The following OTULIN variants were observed in gnomAD, a reference collection of about 807,000 sequenced individuals.
The protein encoded by OTULIN is OTU deubiquitinase with linear linkage specificity, also known as ubiquitin thioesterase otulin.
A neutral mutation model predicts 39.6 loss-of-function variants in OTULIN; 15 were observed. That is an observed-to-expected ratio of 0.38 (90% confidence interval 0.25 to 0.58). OTULIN has a LOEUF of 0.58. Among genes scored for constraint, OTULIN ranks in the 20% least tolerant of loss-of-function variants. The pLI is 0.66. For missense variants in OTULIN, 319 were observed against 445.9 expected (o/e 0.72, Z 2.56); for synonymous variants, 156 against 170.3 (o/e 0.92, Z 0.65).
chr5:14,711,731 C>G, the OTULIN span, among the ~76,000 whole-genome samples: 12 of 152,254 alleles, frequency 7.9e-5, no homozygotes, highest in African/African-American at 2.9e-4. Flanking sequence ...TCAGTCACCT[C>G]TGGGACAGCT....
intron 4 of OTULIN, among the ~76,000 whole-genome samples, chr5:14,686,978 T>C (rs2126326037): frequency 6.6e-6 from 1 of 152,380 alleles, no homozygotes; most frequent in South Asian, 2.1e-4. Flanking sequence ...ATCATTTCTC[T>C]GAATGTTAAA....
intron 2 of OTULIN, among the ~76,000 whole-genome samples, chr5:14,674,340 A>C (rs1389160930): frequency 6.6e-6 from 1 of 152,258 alleles, no homozygotes; most frequent in Non-Finnish European, 1.5e-5. Context: ...GGCCTCATGC[A>C]GGAGCTGCAT....
chr5:14,667,102 T>G (rs978983621), intron 1 of OTULIN, among the ~76,000 whole-genome samples: 11 of 151,972 alleles, frequency 7.2e-5, no homozygotes, highest in African/African-American at 2.2e-4. Flanking sequence ...GTGTGAACAC[T>G]GTAAGACTGT....
intron 1 of OTULIN, among the ~76,000 whole-genome samples, chr5:14,670,523 A>C (rs1735953861): frequency 6.6e-6 from 1 of 152,212 alleles, no homozygotes. Flanking sequence ...TGCCTGCGAA[A>C]TGTCCTCCTT....
the OTULIN span, chr5:14,705,985 C>T: frequency 6.6e-6 from 1 of 152,122 alleles, no homozygotes; most frequent in Non-Finnish European, 1.5e-5. Flanking sequence ...AACATTGCCT[C>T]TAAATCTTAT....
intron 1 of OTULIN, among the ~76,000 whole-genome samples, chr5:14,670,714 C>T (rs972660588): frequency 6.6e-6 from 1 of 152,116 alleles, no homozygotes; most frequent in South Asian, 2.1e-4. Context: ...AAGTGATCCT[C>T]TCTCCTCAGC....
In OTULIN at chr5:14,681,559, C is replaced by A. The variant is rs748478710; in HGVS notation, c.420C>A (p.Ser140Arg). The A allele has an allele frequency of 2.1e-5, 34 of 1,614,026 alleles. No homozygotes were observed. Among genetic ancestry groups the A allele is most frequent in the Non-Finnish European group, 2.7e-5 (32 of 1,180,048 alleles). The change falls in exon 4 of 7, where the codon AGC becomes AGA. Residue 140 changes from serine to arginine, a missense_variant. Around this residue, in one of 4 missense-constraint regions of OTULIN, gnomAD observed 27 missense variants for 58.8 expected, o/e 0.46. Transcript: ENST00000284274. Reference protein sequence around the residue: ...ALRATLFQAMSQAVGLPPWLQ... With the variant: ...ALRATLFQAMRQAVGLPPWLQ... ...GGGCCACGCTGTTCCAGGCCATGAG[C>A]CAGGCTGTGGGGCTGCCGCCCTGGC...
chr5:14,669,334 C>T (rs1735926709), intron 1 of OTULIN, among the ~76,000 whole-genome samples: 2 of 151,974 alleles, frequency 1.3e-5, no homozygotes, highest in African/African-American at 4.8e-5. Flanking sequence ...CGTTGCACTC[C>T]AGCCTATGCA....
chr5:14,669,837 C>G (rs1735938602), intron 1 of OTULIN, among the ~76,000 whole-genome samples: 1 of 152,144 alleles, frequency 6.6e-6, no homozygotes, highest in African/African-American at 2.4e-5. Context: ...TTATGGGGCA[C>G]ATAGTGATGT....
At chr5:14,709,013 C>T in the OTULIN span, 1 of 152,156 alleles carries the variant, frequency 6.6e-6, no homozygotes. Flanking sequence ...CCTGCCTCAG[C>T]CTCCTGAGTA....
intron 4 of OTULIN, 72 bp from the exon 5 acceptor site, chr5:14,687,449 A>T (rs1736414253): frequency 7.2e-6 from 11 of 1,529,008 alleles, no homozygotes; most frequent in Non-Finnish European, 6.2e-6. Context: ...GTGGTTTCTT[A>T]CAGCTTGGAT....
intron 2 of OTULIN, 122 bp downstream of exon 2, chr5:14,673,840 A>G (rs1736035488): frequency 1.4e-6 from 1 of 734,044 alleles, no homozygotes; most frequent in Admixed American, 3.2e-5. Flanking sequence ...GGTCTTATCT[A>G]CATTGATTGT....
intron 5 of OTULIN, among the ~76,000 whole-genome samples, chr5:14,688,161 C>A (rs149940176): frequency 3.9e-5 from 6 of 152,054 alleles, no homozygotes; most frequent in Non-Finnish European, 8.8e-5. Flanking sequence ...CTTCTGATTC[C>A]TATTGATTTG....
chr5:14,695,277 T>A lies in OTULIN; in HGVS notation c.*2229T>A, dbSNP rs894589140. The A allele has an allele frequency of 3.3e-5, 5 of 152,204 alleles. No individual in the cohort carries two copies. Among genetic ancestry groups the A allele is most frequent in the East Asian group, 1.9e-4 (1 of 5,204 alleles). The allele number at this position is 152,204 out of a possible 1,614,324, so 9.4% of individuals were successfully genotyped here. On this transcript the variant is annotated 3_prime_UTR_variant, in exon 7 of 7. Transcript: ENST00000284274. ...ACCAACTTTAAAAATAATTTTTTTT[T>A]AATTGCAATATGCAGCTTCAGTTGC...
intron 4 of OTULIN, among the ~76,000 whole-genome samples, chr5:14,682,255 G>A (rs996019159): frequency 7.2e-5 from 11 of 152,156 alleles, no homozygotes; most frequent in African/African-American, 2.7e-4. Flanking sequence ...AGGAATGATT[G>A]GTCAGAGACA....
intron 1 of OTULIN, 52 bp from the exon 2 acceptor site, chr5:14,673,590 A>G (rs934627877): frequency 1.7e-5 from 27 of 1,553,172 alleles, no homozygotes; most frequent in African/African-American, 5.4e-5. Flanking sequence ...AATAGGACGG[A>G]AAATGTCAGT....
chr5:14,691,554 C>A (rs1189862992), intron 6 of OTULIN, among the ~76,000 whole-genome samples: 2 of 150,614 alleles, frequency 1.3e-5, no homozygotes, highest in Non-Finnish European at 2.9e-5. Flanking sequence ...TAAAGTTAGT[C>A]TTTTCCGAGA....
At chr5:14,681,430 C>G in intron 3 of OTULIN, 34 bp from the exon 4 acceptor site, 1 of 1,574,152 alleles carries the variant, frequency 6.4e-7, no homozygotes, top group Non-Finnish European at 8.6e-7. Context: ...AAGTCAGTAA[C>G]GACCATTTTG....
chr5:14,712,750 G>A, the OTULIN span: 1 of 952,490 alleles, frequency 1.0e-6, no homozygotes, highest in South Asian at 1.4e-5. Flanking sequence ...CCACGAGACT[G>A]GGCAGTGTCA....
Sources: allele counts gnomAD v4.1 joint callset (sites outside exome capture counted in the v4.1 genomes callset), GRCh38; gene constraint gnomAD v4.1.1; regional missense constraint gnomAD v4.1.1; transcripts MANE v1.5; gene names NCBI Gene and HGNC (gene_info 2026-07-23, HGNC 2026-07-21).